The following MTUS1 variants were observed in gnomAD, a reference collection of about 807,000 sequenced individuals.
MTUS1 encodes the protein microtubule associated scaffold protein 1.
MTUS1 carries 109 observed loss-of-function variants against 120.8 expected under a neutral mutation model. The observed-to-expected ratio is 0.90, with a 90% CI of 0.77 to 1.06. The LOEUF is 1.06. Ranked by LOEUF, MTUS1 falls within the 50% of genes least tolerant of loss-of-function variation. The pLI is 0.00. For missense variants in MTUS1, 2,210 were observed against 1,486.3 expected (o/e 1.49, Z -8.01); for synonymous variants, 737 against 550.5 (o/e 1.34, Z -4.74).
chr8:17,753,098 A>T (rs1016683518), intron 2 of MTUS1, among the ~76,000 whole-genome samples: 2 of 152,206 alleles, frequency 1.3e-5, no homozygotes, highest in African/African-American at 4.8e-5. Flanking sequence ...ATTTTATTTT[A>T]TATACCAGGA....
chr8:17,773,172 G>C (rs6586647), intron 1 of MTUS1, among the ~76,000 whole-genome samples: 10,058 of 152,140 alleles, frequency 0.066, 419 homozygotes, highest in East Asian at 0.18. Context: ...AAAAGATTAG[G>C]AATCAGAGCC....
intron 1 of MTUS1, among the ~76,000 whole-genome samples, chr8:17,767,766 T>C (rs531839249): frequency 9.8e-5 from 14 of 142,264 alleles, no homozygotes; most frequent in African/African-American, 3.2e-4. Context: ...AGTTTGGGGG[T>C]TGGGGAACAT....
intron 7 of MTUS1, among the ~76,000 whole-genome samples, chr8:17,679,213 CA>C (rs1554478108): frequency 0.18 from 5,373 of 29,640 alleles, 203 homozygotes; most frequent in East Asian, 0.45. Context: ...CACACACACA[CA>C]AATACCTATA....
In MTUS1 at chr8:17,645,499, C is replaced by A; in HGVS notation, c.*427G>T. ...TCAGACACATGACACTCTGTGACAT[C>A]CATTTCATTCACACCCCCCACCCCC... On this transcript the variant is annotated 3_prime_UTR_variant, in exon 15 of 15. Coordinates refer to ENST00000693296, the MANE Select transcript of MTUS1 (RefSeq NM_001363059.2). 5.9e-6 allele frequency: 1 copy of A among 169,542 alleles called. No homozygotes were observed. 10.5% of individuals were successfully genotyped at this position (169,542 alleles called of 1,614,324 possible).
At chr8:17,705,206 A>T (rs1041222114) in intron 6 of MTUS1, among the ~76,000 whole-genome samples, 1 of 151,490 alleles carries the variant, frequency 6.6e-6, no homozygotes. Flanking sequence ...CTGGTCTTGA[A>T]CTCCTGGCCT....
chr8:17,738,348 G>A (rs575394486), intron 3 of MTUS1, among the ~76,000 whole-genome samples: 1 of 152,248 alleles, frequency 6.6e-6, no homozygotes, highest in African/African-American at 2.4e-5. Flanking sequence ...AGCATTCTGC[G>A]CTACTTCTGT....
chr8:17,663,337 T>C (rs1053768710), intron 8 of MTUS1, among the ~76,000 whole-genome samples: 2 of 152,218 alleles, frequency 1.3e-5, no homozygotes, highest in African/African-American at 2.4e-5. Context: ...ATGTACTGTT[T>C]ACAGAGAAAA....
At chr8:17,677,895 A>C (rs1168574071) in intron 7 of MTUS1, among the ~76,000 whole-genome samples, 2 of 152,336 alleles carry the variant, frequency 1.3e-5, no homozygotes, top group East Asian at 1.9e-4. Context: ...TAATTAACTA[A>C]GCATTTTTCA....
chr8:17,702,845 C>T (rs926794105), intron 6 of MTUS1, among the ~76,000 whole-genome samples: 2 of 152,122 alleles, frequency 1.3e-5, no homozygotes, highest in Non-Finnish European at 2.9e-5. Context: ...TCAGGGACCC[C>T]GAATGGAGGG....
intron 6 of MTUS1, among the ~76,000 whole-genome samples, chr8:17,709,160 T>G (rs968902388): frequency 6.6e-5 from 10 of 151,220 alleles, no homozygotes; most frequent in Non-Finnish European, 1.2e-4. Context: ...GAAAAAGAAT[T>G]CTGAGATAAT....
intron 8 of MTUS1, among the ~76,000 whole-genome samples, chr8:17,666,567 C>T (rs761807592): frequency 6.6e-6 from 1 of 152,172 alleles, no homozygotes; most frequent in African/African-American, 2.4e-5. Flanking sequence ...TACATGAGAA[C>T]CACCTGGATG....
At chr8:17,797,109 C>A (rs1263944129) in intron 1 of MTUS1, among the ~76,000 whole-genome samples, 1 of 151,978 alleles carries the variant, frequency 6.6e-6, no homozygotes, top group Non-Finnish European at 1.5e-5. Flanking sequence ...GAGTGAGACT[C>A]CATCTCAAAA....
At chr8:17,724,791 G>A (rs1052913913) in intron 3 of MTUS1, among the ~76,000 whole-genome samples, 16 of 152,062 alleles carry the variant, frequency 1.1e-4, no homozygotes, top group African/African-American at 3.4e-4. Context: ...TGTCCTATGC[G>A]GATGAATCCC....
chr8:17,749,313 C>T (rs1242737408), intron 2 of MTUS1, among the ~76,000 whole-genome samples: 1 of 152,144 alleles, frequency 6.6e-6, no homozygotes, highest in Non-Finnish European at 1.5e-5. Flanking sequence ...TTAACCCAGA[C>T]ATTCCTTTTT....
chr8:17,755,452 T>G lies in MTUS1; in HGVS notation c.356A>C (p.His119Pro). The G allele has an allele frequency of 6.2e-7, 1 of 1,614,186 alleles. No individual in the cohort carries two copies. The highest frequency in any genetic ancestry group is 1.3e-5 in the African/African-American group (1 of 75,052). Residue 119 changes from histidine (H) to proline (P), a missense_variant, in exon 2 of 15, where the codon CAC becomes CCC. By Grantham distance (77) the His-to-Pro change is moderately conservative. Transcript: ENST00000693296. ...AACTGCTTCTAGGGAATGACAACTG[T>G]GTTGCAGATATTTGGGCTTCTCAGT... ...VGTEKPKYLQHSCHSLEAVEG... is the reference protein window; with the variant it reads ...VGTEKPKYLQPSCHSLEAVEG...
At chr8:17,718,886 C>T (rs1822852135) in intron 4 of MTUS1, among the ~76,000 whole-genome samples, 5 of 151,932 alleles carry the variant, frequency 3.3e-5, no homozygotes, top group South Asian at 4.2e-4. Flanking sequence ...AAGGGCTTCT[C>T]ATGCTGGGCA....
intron 5 of MTUS1, among the ~76,000 whole-genome samples, chr8:17,713,680 A>G (rs1356922069): frequency 6.6e-6 from 1 of 152,242 alleles, no homozygotes; most frequent in Non-Finnish European, 1.5e-5. Flanking sequence ...TCAGCTATGA[A>G]GAAAAATAGA....
At chr8:17,770,292 T>A (rs928632386) in intron 1 of MTUS1, 2 of 152,132 alleles carry the variant, frequency 1.3e-5, no homozygotes, top group Non-Finnish European at 2.9e-5. Flanking sequence ...TAATAAAGTA[T>A]GATAAATACC....
Position 17,646,290 on chromosome 8 carries a change from A to C in MTUS1, c.3600-151T>G, listed in dbSNP as rs1051579338. On this transcript the variant is annotated intron_variant, in intron 14 of 14. Transcript: ENST00000693296. ...AAGGTCACAGGTATTTGGCTGGCTA[A>C]GAAAACCCAAACACAGGCCGGGCGT... 1.6e-5 allele frequency: 15 copies of C among 925,856 alleles called. No individual in the cohort carries two copies. In the African/African-American group the frequency reaches 2.5e-4, roughly 16 times the overall value. The allele number at this position is 925,856 out of a possible 1,614,324, so 57.4% of individuals were successfully genotyped here.
Sources: gnomAD v4.1 joint callset for allele counts (sites outside exome capture counted in the v4.1 genomes callset) on GRCh38, gnomAD v4.1.1 for gene constraint, MANE v1.5 for transcripts, NCBI Gene and HGNC (gene_info 2026-07-23, HGNC 2026-07-21) for gene names.